Variants in ISM1 observed in about 807,000 individuals in gnomAD.
ISM1 encodes isthmin-1.
In ISM1, 25 loss-of-function variants were observed where a neutral mutation model predicts 46.3. That is an observed-to-expected ratio of 0.54 (90% CI 0.39 to 0.75). ISM1 has a LOEUF of 0.75. Among genes scored for constraint, ISM1 ranks in the 30% least tolerant of loss-of-function variants. The probability of loss-of-function intolerance (pLI) is 0.00; values close to 1 mark genes in which losing one functional copy is unlikely to be tolerated. For missense variants in ISM1, 536 were observed against 625.4 expected, an observed-to-expected ratio of 0.86 and a Z score of 1.52; for synonymous variants, 255 against 256.7, an observed-to-expected ratio of 0.99 and a Z score of 0.06.
At chr20:13,273,659 C>A (rs1246515690) in intron 2 of ISM1, among the ~76,000 whole-genome samples, 1 of 152,156 alleles carries the variant, frequency 6.6e-6, no homozygotes, top group Non-Finnish European at 1.5e-5. Context: ...ACCGTAACTC[C>A]CAAGAATAAA....
chr20:13,227,908 A>T (rs2039545556), intron 1 of ISM1, among the ~76,000 whole-genome samples: 1 of 150,526 alleles, frequency 6.6e-6, no homozygotes, highest in South Asian at 2.1e-4. Flanking sequence ...ACCAATAATT[A>T]TTTAGACTTA....
chr20:13,251,802 T>C (rs190020850), intron 1 of ISM1, among the ~76,000 whole-genome samples: 11 of 152,290 alleles, frequency 7.2e-5, no homozygotes, highest in African/African-American at 2.4e-4. Context: ...CGTGTGACTT[T>C]TCTGTACGCC....
Position 13,263,606 on chromosome 20 carries a change from T to A in ISM1, c.139-6898T>A, listed in dbSNP as rs1312456012. On this transcript the variant is annotated intron_variant, in intron 1 of 5. Coordinates refer to ENST00000262487, the MANE Select transcript of ISM1 (RefSeq NM_080826.2). ...TGGCATTCTTGAACTTATTTTTAGA[T>A]GTGTGGAACTGTTCCAGACAAAATC... Among the ~76,000 whole-genome samples, 5 of 152,314 alleles carry A rather than the reference T, an allele frequency of 3.3e-5. No homozygotes were observed. The East Asian group carries it at 9.6e-4, about 29-fold the overall frequency.
chr20:13,326,473 G>A, the ISM1 span, among the ~76,000 whole-genome samples: 1 of 152,068 alleles, frequency 6.6e-6, no homozygotes, highest in African/African-American at 2.4e-5. Flanking sequence ...ATCAATATGT[G>A]AGTGTTCCAT....
the ISM1 span, among the ~76,000 whole-genome samples, chr20:13,321,193 C>T: frequency 7.2e-6 from 1 of 138,210 alleles, no homozygotes; most frequent in Admixed American, 7.7e-5. Flanking sequence ...CAGAATGAGA[C>T]CCTGTCTCCA....
At chr20:13,232,341 G>C (rs2039598422) in intron 1 of ISM1, among the ~76,000 whole-genome samples, 1 of 152,170 alleles carries the variant, frequency 6.6e-6, no homozygotes, top group African/African-American at 2.4e-5. Context: ...CCACTGATCT[G>C]CCTTCTCTCA....
At chr20:13,246,205 G>A (rs538202999) in intron 1 of ISM1, among the ~76,000 whole-genome samples, 37 of 151,974 alleles carry the variant, frequency 2.4e-4, no homozygotes, top group Admixed American at 1.8e-3. Context: ...CCCAGGAGGC[G>A]GAGGTTGCAG....
chr20:13,270,486 C>A lies in ISM1; in HGVS notation c.139-18C>A. ...CATGTGTCTCCTTAACAGGTGTTTGCTTGTTTGTTTGTTTTAGAATAACCT... is the reference window on the plus strand; with the variant it reads ...CATGTGTCTCCTTAACAGGTGTTTGATTGTTTGTTTGTTTTAGAATAACCT... On this transcript the variant is annotated intron_variant, in intron 1 of 5. Transcript: ENST00000262487. 6.2e-7 allele frequency: 1 copy of A among 1,602,544 alleles called. No homozygotes were observed. Among genetic ancestry groups the A allele is most frequent in the Non-Finnish European group, 8.5e-7 (1 of 1,174,348 alleles).
At chr20:13,253,982 C>T (rs2039897557) in intron 1 of ISM1, among the ~76,000 whole-genome samples, 1 of 150,202 alleles carries the variant, frequency 6.7e-6, no homozygotes, top group African/African-American at 2.5e-5. Flanking sequence ...CCTTGGGAGG[C>T]CGAGGTGAGC....
At chr20:13,223,684 A>G (rs987103991) in intron 1 of ISM1, among the ~76,000 whole-genome samples, 7 of 152,220 alleles carry the variant, frequency 4.6e-5, no homozygotes, top group African/African-American at 9.6e-5. Flanking sequence ...CCGTGGGTAG[A>G]TAAGTACAGT....
chr20:13,258,972 C>T (rs991894147), intron 1 of ISM1, among the ~76,000 whole-genome samples: 5 of 151,990 alleles, frequency 3.3e-5, no homozygotes, highest in African/African-American at 9.7e-5. Flanking sequence ...TTACAGATGG[C>T]GAGCTGTGGT....
At position 13,273,839 on chromosome 20, in the gene ISM1, C is replaced by T. The variant is rs145653304; in HGVS notation, c.378+3096C>T. ...TATTTCTGCTCTATACAATCCCTAT[C>T]GGTTAATTTTCTGTGAGCAATACAG... On this transcript the variant is annotated intron_variant, in intron 2 of 5. Coordinates refer to ENST00000262487, the MANE Select transcript of ISM1 (RefSeq NM_080826.2). 2.8e-4 allele frequency among the ~76,000 whole-genome samples: 43 copies of T among 152,292 alleles called. No individual in the cohort carries two copies. In the East Asian group the frequency reaches 8.1e-3, roughly 29 times the overall value.
At chr20:13,242,137 G>C (rs1451960096) in intron 1 of ISM1, among the ~76,000 whole-genome samples, 1 of 152,186 alleles carries the variant, frequency 6.6e-6, no homozygotes, top group African/African-American at 2.4e-5. Context: ...GTCTAGGGAA[G>C]AGGGTGGTTG....
At chr20:13,293,517 T>C (rs976842694) in intron 5 of ISM1, among the ~76,000 whole-genome samples, 1 of 151,948 alleles carries the variant, frequency 6.6e-6, no homozygotes, top group African/African-American at 2.4e-5. Flanking sequence ...TTTTTTTTCA[T>C]AGCCCTGCAA....
intron 1 of ISM1, among the ~76,000 whole-genome samples, chr20:13,260,453 G>A (rs1479326430): frequency 6.6e-6 from 1 of 152,194 alleles, no homozygotes; most frequent in South Asian, 2.1e-4. Context: ...ACCCAGCTTT[G>A]AGCTAACAGG....
intron 1 of ISM1, among the ~76,000 whole-genome samples, chr20:13,231,124 A>C (rs1453388250): frequency 2.0e-5 from 3 of 152,194 alleles, no homozygotes; most frequent in African/African-American, 7.2e-5. Context: ...ACCCACACTA[A>C]GTGAACCACA....
At chr20:13,235,805 C>T (rs937460955) in intron 1 of ISM1, among the ~76,000 whole-genome samples, 12 of 152,186 alleles carry the variant, frequency 7.9e-5, no homozygotes, top group African/African-American at 2.4e-4. Flanking sequence ...TATAAGCCTG[C>T]GACCACTTTC....
the ISM1 span, among the ~76,000 whole-genome samples, chr20:13,320,463 TA>T: frequency 6.6e-6 from 1 of 152,182 alleles, no homozygotes; most frequent in Non-Finnish European, 1.5e-5. Flanking sequence ...CTGGTTAATT[TA>T]AAAAGAAAAG....
intron 2 of ISM1, among the ~76,000 whole-genome samples, chr20:13,273,048 C>T (rs980504796): frequency 6.6e-6 from 1 of 152,098 alleles, no homozygotes. Flanking sequence ...TGCCTGGATG[C>T]GGGAGAACGG....
Sources: allele counts gnomAD v4.1 joint callset (sites outside exome capture counted in the v4.1 genomes callset), GRCh38; gene constraint gnomAD v4.1.1; transcripts MANE v1.5; gene names NCBI Gene and HGNC (gene_info 2026-07-23, HGNC 2026-07-21).